Variants in CCNE1 observed in about 807,000 individuals in gnomAD.
The protein encoded by CCNE1 is G1/S-specific cyclin-E1.
In CCNE1, 8 loss-of-function variants were observed where a neutral mutation model predicts 54.1. The observed-to-expected ratio is 0.15, with a 90% confidence interval of 0.09 to 0.27. The LOEUF is 0.27. Among genes scored for constraint, CCNE1 ranks in the 10% least tolerant of loss-of-function variants. CCNE1 has a pLI of 1.00. For missense variants in CCNE1, 430 were observed against 514.9 expected (o/e 0.84, Z 1.60); for synonymous variants, 179 against 185.2 (o/e 0.97, Z 0.27).
rs777743353 is a variant in CCNE1, at chr19:29,823,688, G to T, written c.1144G>T (p.Glu382Ter). 1 of 1,614,148 alleles carries T rather than the reference G, an allele frequency of 6.2e-7. No individual in the cohort carries two copies. Among genetic ancestry groups the T allele is most frequent in the Non-Finnish European group, 8.5e-7 (1 of 1,179,980 alleles). ...CCGAGCAAAGAAAGCCATGTTGTCT[G>T]AACAAAATAGGGCTTCTCCTCTCCC... ...KARAKKAMLS[E>*]QNRASPLPSG... is the part of the protein sequence containing the mutation. Residue 382 changes from glutamate (E) to a stop codon, truncating the protein, a stop_gained, in exon 12 of 12, where the codon GAA (glutamate) becomes TAA (stop). Transcript: ENST00000262643. LOFTEE classifies it high-confidence loss of function.
Position 29,822,141 on chromosome 19 carries a change from C to T in CCNE1, c.840+11C>T, listed in dbSNP as rs1343348501. 1 of 1,612,040 alleles carries T rather than the reference C, an allele frequency of 6.2e-7. No individual in the cohort carries two copies. Among genetic ancestry groups the T allele is most frequent in the Non-Finnish European group, 8.5e-7 (1 of 1,179,076 alleles). The stretch of plus-strand genomic sequence containing the variant: ...ATACAGATTGCAGAGGTAAGTGGCT[C>T]CATCACGTCCGTGGGGCCACCTTCC... On this transcript the variant is annotated intron_variant, in intron 9 of 11. Transcript: ENST00000262643.
chr19:29,813,937 AT>A lies in CCNE1; in HGVS notation c.180+901del, dbSNP rs372458014. Among the ~76,000 whole-genome samples the A allele has an allele frequency of 7.2e-5, 11 of 152,266 alleles. No homozygotes were observed. The East Asian group carries it at 1.4e-3, about 19-fold the overall frequency. The stretch of plus-strand genomic sequence containing the variant: ...AACAGTGTTCGACCTGAGTGCAGGG[AT>A]CCCAGCTAGGTTAGCAGAGAAGCCC... On this transcript the variant is annotated intron_variant, in intron 4 of 11. Coordinates refer to ENST00000262643, the MANE Select transcript of CCNE1 (RefSeq NM_001238.4).
intron 11 of CCNE1, among the ~76,000 whole-genome samples, chr19:29,823,275 GGC>G (rs561639804): frequency 6.6e-6 from 1 of 152,150 alleles, no homozygotes; most frequent in Non-Finnish European, 1.5e-5. Flanking sequence ...CAGGCATGGT[GGC>G]ACATGTCTGT....
chr19:29,820,431 A>G (rs1181910024), intron 6 of CCNE1, among the ~76,000 whole-genome samples: 1 of 152,084 alleles, frequency 6.6e-6, no homozygotes, highest in Non-Finnish European at 1.5e-5. Context: ...GGTGCTGGTA[A>G]TTCCAGCTAC....
Position 29,813,019 on chromosome 19 carries a change from G to A in CCNE1, c.162G>A (p.Arg54=), listed in dbSNP as rs2145715955. Residue 54 remains arginine, a synonymous_variant, in exon 4 of 12, where the codon AGG becomes AGA. Transcript: ENST00000262643. ...TGGCCAAAATCGACAGGACGGCGAG[G>A]GACCAGTGTGGGAGCCAGGTAGGTC... The part of the protein sequence containing the change: ...EEMAKIDRTA[R]DQCGSQPWDN... 1.2e-6 allele frequency: 2 copies of A among 1,614,194 alleles called. No individual in the cohort carries two copies. Among genetic ancestry groups the A allele is most frequent in the Non-Finnish European group, 1.7e-6 (2 of 1,180,036 alleles).
chr19:29,816,702 G>T (rs914345901), intron 4 of CCNE1, among the ~76,000 whole-genome samples: 5 of 152,036 alleles, frequency 3.3e-5, no homozygotes, highest in African/African-American at 7.3e-5. Context: ...TTACATTTTT[G>T]ATCTTTTTTT....
intron 11 of CCNE1, 104 bp from the exon 12 acceptor site, chr19:29,823,551 G>GA (rs889643536): frequency 0.071 from 56,333 of 798,418 alleles, no homozygotes; most frequent in Middle Eastern, 0.091. Flanking sequence ...TCCATCTTGA[G>GA]AAAAAAAAAA....
chr19:29,816,160 A>G (rs1295788333), intron 4 of CCNE1, among the ~76,000 whole-genome samples: 3 of 151,608 alleles, frequency 2.0e-5, no homozygotes, highest in Admixed American at 6.6e-5. Flanking sequence ...TCTCTCAAAA[A>G]AAAAAAAAAA....
chr19:29,823,308 C>T (rs1444840484), intron 11 of CCNE1, among the ~76,000 whole-genome samples: 4 of 152,094 alleles, frequency 2.6e-5, no homozygotes, highest in Non-Finnish European at 4.4e-5. Flanking sequence ...CTTTGGGAGG[C>T]GGAGGCGGGC....
At chr19:29,812,617 G>A in intron 2 of CCNE1, 39 bp downstream of exon 2, 3 of 1,545,858 alleles carry the variant, frequency 1.9e-6, no homozygotes, top group Admixed American at 3.9e-5. Context: ...GGACGGGACG[G>A]GACGGGACGG....
rs189071606 is a variant in CCNE1, at chr19:29,817,026, G to A, written c.181-111G>A. ...ATGTATCTTTTTGGAAGCACTTTCA[G>A]AAGTCATGCCTAGTATCTTACTGAG... is the stretch of plus-strand genomic sequence containing the variant. On this transcript the variant is annotated intron_variant, in intron 4 of 11. Coordinates refer to ENST00000262643, the MANE Select transcript of CCNE1 (RefSeq NM_001238.4). 130 of 1,114,048 alleles carry A rather than the reference G, an allele frequency of 1.2e-4. No homozygotes were observed. The African/African-American group carries it at 2.0e-3, about 17-fold the overall frequency. 69.0% of individuals were successfully genotyped at this position (1,114,048 alleles called of 1,614,324 possible).
intron 11 of CCNE1, 128 bp from the exon 12 acceptor site, chr19:29,823,527 T>A: frequency 1.4e-6 from 1 of 696,130 alleles, no homozygotes; most frequent in Non-Finnish European, 2.2e-6. Context: ...ACAGTCTGGA[T>A]GAGAAAGCAA....
At chr19:29,815,756 G>A (rs1202503998) in intron 4 of CCNE1, among the ~76,000 whole-genome samples, 1 of 151,092 alleles carries the variant, frequency 6.6e-6, no homozygotes, top group African/African-American at 2.4e-5. Context: ...AGCCTCCCGA[G>A]TAGTTGGGAT....
chr19:29,822,589 A>G lies in CCNE1; in HGVS notation c.1096A>G (p.Ser366Gly). The G allele has an allele frequency of 6.2e-7, 1 of 1,611,260 alleles. No individual in the cohort carries two copies. The highest frequency in any genetic ancestry group is 8.5e-7 in the Non-Finnish European group (1 of 1,178,770). Reference sequence around the variant, plus strand: ...ACACAACATACAGACCCACAGAGACAGCTTGGATTTGCTGGTCAGTGCTGC... The same window carrying G: ...ACACAACATACAGACCCACAGAGACGGCTTGGATTTGCTGGTCAGTGCTGC... Reference protein sequence around the residue: ...DAHNIQTHRDSLDLLDKARAK... With the variant: ...DAHNIQTHRDGLDLLDKARAK... The change falls in exon 11 of 12, where the codon AGC (serine) becomes GGC (glycine). Residue 366 changes from serine to glycine, a missense_variant. This residue lies in a region of CCNE1 where 303 missense variants were observed against 401.1 expected (regional missense o/e 0.76). Transcript: ENST00000262643.
At chr19:29,816,237 A>G (rs1269921421) in intron 4 of CCNE1, among the ~76,000 whole-genome samples, 1 of 152,108 alleles carries the variant, frequency 6.6e-6, no homozygotes, top group South Asian at 2.1e-4. Flanking sequence ...TAATATCTTT[A>G]GCAAAGTTAC....
chr19:29,816,542 G>T (rs1395730476), intron 4 of CCNE1, among the ~76,000 whole-genome samples: 1 of 152,154 alleles, frequency 6.6e-6, no homozygotes. Context: ...TAACTAGGTG[G>T]ATGTTCATTC....
At chr19:29,818,019 G>A (rs1336705951) in intron 6 of CCNE1, among the ~76,000 whole-genome samples, 6 of 141,574 alleles carry the variant, frequency 4.2e-5, no homozygotes, top group East Asian at 2.1e-4. Flanking sequence ...ACGCCATCAC[G>A]CCCAGTATTT....
chr19:29,812,895 G>A (rs1973928079), intron 3 of CCNE1, 74 bp from the exon 4 acceptor site: 3 of 1,601,636 alleles, frequency 1.9e-6, no homozygotes, highest in Non-Finnish European at 2.6e-6. Flanking sequence ...AACCTGATCA[G>A]CTTTCTCTTC....
At chr19:29,817,625 T>G in intron 6 of CCNE1, 84 bp downstream of exon 6, 1 of 1,412,374 alleles carries the variant, frequency 7.1e-7, no homozygotes, top group Non-Finnish European at 1.0e-6. Context: ...GTGTGGTTTA[T>G]TCCCTCGACA....
Sources: allele counts gnomAD v4.1 joint callset (sites outside exome capture counted in the v4.1 genomes callset), GRCh38; gene constraint gnomAD v4.1.1; regional missense constraint gnomAD v4.1.1; transcripts MANE v1.5; gene names NCBI Gene and HGNC (gene_info 2026-07-23, HGNC 2026-07-21).